The following ZSCAN25 variants were observed in gnomAD, a reference collection of about 807,000 sequenced individuals.
ZSCAN25 encodes the protein zinc finger and SCAN domain-containing protein 25.
ZSCAN25 carries 27 observed loss-of-function variants against 38.7 expected under a neutral mutation model. That is an observed-to-expected ratio of 0.70 (90% CI 0.51 to 0.96). ZSCAN25 has a LOEUF of 0.96. Among genes scored for constraint, ZSCAN25 ranks in the 40% least tolerant of loss-of-function variants. The pLI is 0.00. For missense variants in ZSCAN25, 637 were observed against 705.9 expected (o/e 0.90, Z 1.11); for synonymous variants, 273 against 277.7 (o/e 0.98, Z 0.17).
the ZSCAN25 span, among the ~76,000 whole-genome samples, chr7:99,732,376 T>G: frequency 2.6e-5 from 4 of 152,122 alleles, no homozygotes; most frequent in Admixed American, 2.6e-4. Flanking sequence ...CCTTTCTAAA[T>G]TACCCACCCT....
chr7:99,638,258 GGT>G, the ZSCAN25 span: 2 of 1,590,698 alleles, frequency 1.3e-6, no homozygotes, highest in South Asian at 2.2e-5. Flanking sequence ...TGTAGTTAGA[GGT>G]TAACCATGTG....
chr7:99,713,726 A>G, the ZSCAN25 span, among the ~76,000 whole-genome samples: 1 of 152,186 alleles, frequency 6.6e-6, no homozygotes, highest in African/African-American at 2.4e-5. Context: ...TGTTTTCCTG[A>G]AACAAATCTG....
chr7:99,674,433 A>G, the ZSCAN25 span: 1 of 843,948 alleles, frequency 1.2e-6, no homozygotes, highest in Non-Finnish European at 1.9e-6. Flanking sequence ...TAGGTTGACA[A>G]GAGCTTCATC....
the ZSCAN25 span, among the ~76,000 whole-genome samples, chr7:99,724,758 G>T: frequency 6.6e-6 from 1 of 152,136 alleles, no homozygotes; most frequent in Admixed American, 6.5e-5. Flanking sequence ...CATAGTCAAG[G>T]TACATGTGCC....
chr7:99,632,986 G>GTTTTTTTTTTTTTTTTT (rs201141594), downstream of ZSCAN25, among the ~76,000 whole-genome samples: 16 of 141,472 alleles, frequency 1.1e-4, no homozygotes, highest in South Asian at 9.7e-4. Context: ...TGCATTTTCT[G>GTTTTTTTTTTTTTTTTT]TTGTTTTTTT....
chr7:99,648,318 AG>A, the ZSCAN25 span: 1 of 1,612,818 alleles, frequency 6.2e-7, no homozygotes, highest in Non-Finnish European at 8.5e-7. Context: ...TTCTCCACTT[AG>A]GGTTCCATCT....
the ZSCAN25 span, among the ~76,000 whole-genome samples, chr7:99,643,319 C>A: frequency 6.6e-6 from 1 of 152,084 alleles, no homozygotes. Context: ...TCATCTTACC[C>A]TATGTACTCC....
At chr7:99,698,262 A>G in the ZSCAN25 span, among the ~76,000 whole-genome samples, 4 of 152,294 alleles carry the variant, frequency 2.6e-5, no homozygotes, top group Admixed American at 6.5e-5. Flanking sequence ...GTCTGTAGTG[A>G]CCGCCCCACA....
At chr7:99,709,881 T>C in the ZSCAN25 span, among the ~76,000 whole-genome samples, 1 of 152,148 alleles carries the variant, frequency 6.6e-6, no homozygotes, top group Non-Finnish European at 1.5e-5. Flanking sequence ...AAAATCTCTA[T>C]CAATAATTTG....
At chr7:99,723,631 C>T in the ZSCAN25 span, among the ~76,000 whole-genome samples, 3 of 152,258 alleles carry the variant, frequency 2.0e-5, no homozygotes, top group East Asian at 3.9e-4. Flanking sequence ...ATCCCCTGTC[C>T]TCGCCCTCAC....
chr7:99,733,300 G>C, the ZSCAN25 span, among the ~76,000 whole-genome samples: 1 of 152,176 alleles, frequency 6.6e-6, no homozygotes, highest in African/African-American at 2.4e-5. Flanking sequence ...TGGCCCCCGA[G>C]GAAAGATCTA....
chr7:99,709,327 T>A, the ZSCAN25 span: 1 of 1,567,798 alleles, frequency 6.4e-7, no homozygotes, highest in South Asian at 1.2e-5. Flanking sequence ...TCAGTCCATG[T>A]AGTACTGTTG....
chr7:99,710,998 A>C, the ZSCAN25 span: 3 of 1,574,090 alleles, frequency 1.9e-6, no homozygotes, highest in Non-Finnish European at 2.6e-6. Context: ...AGGGGAAAAA[A>C]TAGAAAAGCA....
chr7:99,707,604 A>G, the ZSCAN25 span, among the ~76,000 whole-genome samples: 1 of 152,210 alleles, frequency 6.6e-6, no homozygotes, highest in Admixed American at 6.5e-5. Flanking sequence ...GCTAGTCTAC[A>G]TTGACATTGC....
At chr7:99,709,272 A>G in the ZSCAN25 span, 1 of 1,613,216 alleles carries the variant, frequency 6.2e-7, no homozygotes, top group South Asian at 1.1e-5. Context: ...CTGAAAAGAA[A>G]GAAACAGATT....
rs764743806 is a variant in ZSCAN25 at position 99,621,540 on chromosome 7, C to T, written c.555C>T (p.Asp185=). The T allele has an allele frequency of 2.0e-6, 3 of 1,528,726 alleles. No individual in the cohort carries two copies. Among genetic ancestry groups the T allele is most frequent in the Non-Finnish European group, 2.7e-6 (3 of 1,128,306 alleles). The allele number at this position is 1,528,726 out of a possible 1,614,324, so 94.7% of individuals were successfully genotyped here. A position where few individuals can be genotyped will look rare whatever the true frequency, so the allele number is the denominator to read the frequency against. ...GTACCGAGGAGCAGCTCAGTCAGGA[C>T]CCTGGAGATGAGACACGGGCCTTCC... is the stretch of plus-strand genomic sequence containing the variant. The part of the protein sequence containing the change: ...DPGTEEQLSQ[D]PGDETRAFQE... The change falls in exon 5 of 8, where the codon GAC becomes GAT. Residue 185 remains aspartate (D), a synonymous_variant. Coordinates refer to ENST00000394152, the MANE Select transcript of ZSCAN25 (RefSeq NM_145115.3).
the ZSCAN25 span, chr7:99,670,790 A>G: frequency 2.0e-5 from 3 of 152,212 alleles, no homozygotes; most frequent in African/African-American, 7.2e-5. Flanking sequence ...TAGAACCAAA[A>G]TATCTGATGA....
downstream of ZSCAN25, among the ~76,000 whole-genome samples, chr7:99,634,946 G>A (rs1282580502): frequency 3.3e-5 from 5 of 151,884 alleles, no homozygotes; most frequent in African/African-American, 1.2e-4. Flanking sequence ...TGTCTCAATA[G>A]TAATAATAAT....
At chr7:99,650,052 ACAT>A in the ZSCAN25 span, 2 of 1,613,140 alleles carry the variant, frequency 1.2e-6, no homozygotes, top group Non-Finnish European at 1.7e-6. Flanking sequence ...TCTTAATAAA[ACAT>A]ACAGAAAGTG....
Sources: gnomAD v4.1 joint callset for allele counts (sites outside exome capture counted in the v4.1 genomes callset) on GRCh38, gnomAD v4.1.1 for gene constraint, MANE v1.5 for transcripts, NCBI Gene and HGNC (gene_info 2026-07-23, HGNC 2026-07-21) for gene names.